BCR: variants seen among roughly 807,000 people sequenced by gnomAD.
The protein encoded by BCR is BCR activator of RhoGEF and GTPase, also known as breakpoint cluster region protein.
A neutral mutation model predicts 138.6 loss-of-function variants in BCR; 58 were observed. The observed-to-expected ratio is 0.42, with a 90% CI of 0.34 to 0.52. The LOEUF (loss-of-function observed/expected upper bound fraction) is 0.52, where lower values mean the gene tolerates loss of function less well. Ranked by LOEUF, BCR falls within the 20% of genes least tolerant of loss-of-function variation. BCR has a pLI of 0.06. For synonymous variants in BCR, 786 were observed against 730.1 expected, an observed-to-expected ratio of 1.08 and a Z score of -1.23; for missense variants, 1,599 against 1,727.2, an observed-to-expected ratio of 0.93 and a Z score of 1.32.
chr22:23,300,313 CT>C (rs1273263106), intron 16 of BCR, among the ~76,000 whole-genome samples: 3 of 152,246 alleles, frequency 2.0e-5, no homozygotes, highest in Non-Finnish European at 4.4e-5. Context: ...CAGCATTTGT[CT>C]TTTGGGTCTG....
chr22:23,208,232 G>A (rs1045018230), intron 1 of BCR, among the ~76,000 whole-genome samples: 1 of 152,146 alleles, frequency 6.6e-6, no homozygotes, highest in African/African-American at 2.4e-5. Context: ...AACCCACCCG[G>A]CTGGCAGTGC....
intron 8 of BCR, among the ~76,000 whole-genome samples, chr22:23,277,069 A>AG (rs1000807642): frequency 6.6e-6 from 1 of 152,224 alleles, no homozygotes; most frequent in Non-Finnish European, 1.5e-5. Flanking sequence ...TAGCCAGGAA[A>AG]GGGGGGCAGA....
intron 1 of BCR, among the ~76,000 whole-genome samples, chr22:23,221,373 C>T (rs898955203): frequency 6.6e-6 from 1 of 152,334 alleles, no homozygotes; most frequent in East Asian, 1.9e-4. Flanking sequence ...CAGTCTGCTG[C>T]TTCTCTCCCC....
At chr22:23,277,424 G>A (rs943996860) in intron 8 of BCR, among the ~76,000 whole-genome samples, 8 of 152,164 alleles carry the variant, frequency 5.3e-5, no homozygotes, top group Non-Finnish European at 8.8e-5. Flanking sequence ...CCGATAGGAC[G>A]TTTCCACCCC....
rs1466411231 is a variant in BCR at position 23,181,694 on chromosome 22, A to T, written c.734A>T (p.Asp245Val). The T allele has an allele frequency of 4.4e-6, 7 of 1,604,846 alleles. No homozygotes were observed. The highest frequency in any genetic ancestry group is 5.9e-6 in the Non-Finnish European group (7 of 1,179,892). ...GAGAGCAGCTGCGGCGTCGACGGCG[A>T]CTACGAGGACGCCGAGTTGAACCCC... is the stretch of plus-strand genomic sequence containing the variant. Reference protein sequence around the residue: ...SSESSCGVDGDYEDAELNPRF... With the variant: ...SSESSCGVDGVYEDAELNPRF... The change falls in exon 1 of 23, where the codon GAC (aspartate) becomes GTC (valine). Residue 245 changes from aspartate to valine, a missense_variant. By Grantham distance (152) the Asp-to-Val change is radical. This residue lies in a region of BCR where 806 missense variants were observed against 635.0 expected (regional missense o/e 1.27). Coordinates refer to ENST00000305877, the MANE Select transcript of BCR (RefSeq NM_004327.4).
In BCR at chr22:23,232,704, C is replaced by T. The variant is rs143198186; in HGVS notation, c.1280-21095C>T. Among the ~76,000 whole-genome samples the T allele has an allele frequency of 7.2e-5, 11 of 152,306 alleles. 1 individual carries two copies. Among genetic ancestry groups the T allele is most frequent in the Admixed American group, 2.6e-4 (4 of 15,304 alleles). ...TACCTGCTGCACCCGTGAGCATGGG[C>T]GGCCCCATCTGCCTCCTCCTTCAGG... is the stretch of plus-strand genomic sequence containing the variant. On this transcript the variant is annotated intron_variant, in intron 1 of 22. Coordinates refer to ENST00000305877, the MANE Select transcript of BCR (RefSeq NM_004327.4).
intron 1 of BCR, among the ~76,000 whole-genome samples, chr22:23,190,156 G>A (rs1052245671): frequency 3.9e-5 from 6 of 152,028 alleles, no homozygotes; most frequent in African/African-American, 1.5e-4. Flanking sequence ...ATCTCTCTGT[G>A]TCCAAATTTC....
rs780368861 is a variant in BCR, at chr22:23,181,540, A to G, written c.580A>G (p.Lys194Glu). The G allele has an allele frequency of 6.2e-7, 1 of 1,612,984 alleles. No homozygotes were observed. Among genetic ancestry groups the G allele is most frequent in the South Asian group, 1.1e-5 (1 of 91,076 alleles). The change falls in exon 1 of 23, where the codon AAA (lysine) becomes GAA (glutamate). Residue 194 changes from lysine (K) to glutamate (E), a missense_variant. By Grantham distance (56) the Lys-to-Glu change is moderately conservative. This residue lies in a region of BCR where 806 missense variants were observed against 635.0 expected (regional missense o/e 1.27). Coordinates refer to ENST00000305877, the MANE Select transcript of BCR (RefSeq NM_004327.4). ...HERGLVKVND[K>E]EVSDRISSLG... ...GCGCGGCCTGGTGAAGGTCAACGACAAAGAGGTGTCGGACCGCATCAGCTC... is the reference window on the plus strand; with the variant it reads ...GCGCGGCCTGGTGAAGGTCAACGACGAAGAGGTGTCGGACCGCATCAGCTC...
chr22:23,187,926 T>G (rs986239505), intron 1 of BCR, among the ~76,000 whole-genome samples: 2 of 152,214 alleles, frequency 1.3e-5, no homozygotes, highest in African/African-American at 2.4e-5. Flanking sequence ...TTTTCACATT[T>G]TTATTAAGCA....
chr22:23,239,616 G>GT lies in BCR; in HGVS notation c.1280-14182dup, dbSNP rs2073066056. Among the ~76,000 whole-genome samples, 3 of 152,180 alleles carry GT rather than the reference G, an allele frequency of 2.0e-5. No homozygotes were observed. In the South Asian group the frequency reaches 6.2e-4, roughly 31 times the overall value. On this transcript the variant is annotated intron_variant, in intron 1 of 22. Transcript: ENST00000305877. ...TGAGCTCCACAATGACTTCATTCAT[G>GT]TAATAGTATGTTATGGCTGCGTAAC...
chr22:23,289,830 G>A (rs1402466679), intron 13 of BCR: 2 of 587,384 alleles, frequency 3.4e-6, no homozygotes, highest in African/African-American at 3.7e-5. Flanking sequence ...GCTGCTGCTG[G>A]GTGGTTGAGG....
chr22:23,236,654 A>C (rs1219257178), intron 1 of BCR, among the ~76,000 whole-genome samples: 1 of 152,220 alleles, frequency 6.6e-6, no homozygotes, highest in Non-Finnish European at 1.5e-5. Context: ...GAGGGGACCA[A>C]CACCTGTTAG....
intron 1 of BCR, among the ~76,000 whole-genome samples, chr22:23,252,632 T>C (rs1235174305): frequency 6.6e-6 from 1 of 151,382 alleles, no homozygotes; most frequent in Non-Finnish European, 1.5e-5. Flanking sequence ...GGGTTCACCA[T>C]ATTGGCCAGG....
chr22:23,252,874 C>G (rs1365207135), intron 1 of BCR, among the ~76,000 whole-genome samples: 1 of 152,210 alleles, frequency 6.6e-6, no homozygotes, highest in East Asian at 1.9e-4. Flanking sequence ...CAGACACCAG[C>G]TGGGTGTCCT....
intron 16 of BCR, among the ~76,000 whole-genome samples, chr22:23,306,556 T>G (rs1468500005): frequency 6.6e-6 from 1 of 152,218 alleles, no homozygotes; most frequent in Non-Finnish European, 1.5e-5. Context: ...TTTTCTGGGC[T>G]TTAGAGGAGA....
rs528506703 is a variant in BCR, at chr22:23,262,841, C to T, written c.1752+1301C>T. 282 of 1,034,284 alleles carry T rather than the reference C, an allele frequency of 2.7e-4. 3 individuals carry two copies. The South Asian group carries it at 8.1e-3, about 30-fold the overall frequency. The allele number at this position is 1,034,284 out of a possible 1,614,324, so 64.1% of individuals were successfully genotyped here. Reference sequence around the variant, plus strand: ...GGGCAAGGCGGAAGAGGAAGCAGGGCGGAAGGGAAGCCCGGGCCGCAGACG... The same window carrying T: ...GGGCAAGGCGGAAGAGGAAGCAGGGTGGAAGGGAAGCCCGGGCCGCAGACG... On this transcript the variant is annotated intron_variant, in intron 4 of 22. Coordinates refer to ENST00000305877, the MANE Select transcript of BCR (RefSeq NM_004327.4).
intron 1 of BCR, among the ~76,000 whole-genome samples, chr22:23,251,452 C>A (rs981538405): frequency 2.0e-5 from 3 of 152,164 alleles, no homozygotes; most frequent in African/African-American, 7.2e-5. Context: ...TCCTGTGGGA[C>A]GAGAAGTGGA....
Position 23,311,622 on chromosome 22 carries a change from G to T in BCR, c.3183-75G>T. Reference sequence around the variant, plus strand: ...TCCTCACCCCACCTCCGGGTGTGCAGATATGGAGCAGGTCTCCTGTGTTAT... The same window carrying T: ...TCCTCACCCCACCTCCGGGTGTGCATATATGGAGCAGGTCTCCTGTGTTAT... On this transcript the variant is annotated intron_variant, in intron 18 of 22. Transcript: ENST00000305877. The T allele has an allele frequency of 2.2e-6, 3 of 1,362,616 alleles. No homozygotes were observed. In the South Asian group the frequency reaches 3.7e-5, roughly 17 times the overall value. The allele number at this position is 1,362,616 out of a possible 1,614,324, so 84.4% of individuals were successfully genotyped here. A position where few individuals can be genotyped will look rare whatever the true frequency, so the allele number is the denominator to read the frequency against.
Position 23,316,312 on chromosome 22 carries a change from G to C in BCR, c.*790G>C, listed in dbSNP as rs1472854593. ...CACGCTCTCCTGTTTGGCTTCCACA[G>C]GCCTGGACTTCTCTGGCTTCTCTGC... On this transcript the variant is annotated 3_prime_UTR_variant, in exon 23 of 23. Transcript: ENST00000305877. 3.7e-4 allele frequency: 59 copies of C among 159,794 alleles called. 1 individual carries two copies. Among genetic ancestry groups the C allele is most frequent in the Non-Finnish European group, 6.0e-4 (51 of 85,516 alleles). 9.9% of individuals were successfully genotyped at this position (159,794 alleles called of 1,614,324 possible). A position where few individuals can be genotyped will look rare whatever the true frequency, so the allele number is the denominator to read the frequency against.
Sources: gnomAD v4.1 joint callset for allele counts (sites outside exome capture counted in the v4.1 genomes callset) on GRCh38, gnomAD v4.1.1 for gene constraint, gnomAD v4.1.1 regional missense constraint, MANE v1.5 for transcripts, NCBI Gene and HGNC (gene_info 2026-07-23, HGNC 2026-07-21) for gene names.